The following PRKD1 variants were observed in gnomAD, a reference collection of about 807,000 sequenced individuals.
PRKD1 encodes protein kinase D1.
In PRKD1, 63 loss-of-function variants were observed where a neutral mutation model predicts 95.9. That is an observed-to-expected ratio of 0.66 (90% CI 0.54 to 0.81). The LOEUF is 0.81. Ranked by LOEUF, PRKD1 falls within the 30% of genes least tolerant of loss-of-function variation. PRKD1 has a pLI of 0.00. For missense variants in PRKD1, 1,048 were observed against 1,165.3 expected (o/e 0.90, Z 1.47); for synonymous variants, 425 against 423.1 (o/e 1.00, Z -0.05).
intron 1 of PRKD1, among the ~76,000 whole-genome samples, chr14:29,892,017 T>C (rs751866336): frequency 7.2e-5 from 11 of 152,204 alleles, no homozygotes; most frequent in Non-Finnish European, 1.2e-4. Context: ...TTGGTATTAA[T>C]TGTAGTGACT....
chr14:29,755,598 T>G (rs893636577), intron 1 of PRKD1, among the ~76,000 whole-genome samples: 2 of 152,168 alleles, frequency 1.3e-5, no homozygotes, highest in African/African-American at 4.8e-5. Flanking sequence ...TTTCTGTCAC[T>G]TGTAATCATA....
At chr14:29,903,172 C>A (rs781095206) in intron 1 of PRKD1, among the ~76,000 whole-genome samples, 9 of 152,174 alleles carry the variant, frequency 5.9e-5, no homozygotes, top group Non-Finnish European at 1.0e-4. Flanking sequence ...AATTTTCCCC[C>A]AGGTTCCTCA....
chr14:29,685,581 A>C (rs1470771879), intron 2 of PRKD1, among the ~76,000 whole-genome samples: 1 of 152,220 alleles, frequency 6.6e-6, no homozygotes, highest in Non-Finnish European at 1.5e-5. Context: ...TTAAAATTCC[A>C]AATCTTGAGA....
At chr14:29,841,283 G>A (rs998030459) in intron 1 of PRKD1, among the ~76,000 whole-genome samples, 2 of 152,156 alleles carry the variant, frequency 1.3e-5, no homozygotes, top group African/African-American at 4.8e-5. Context: ...TTAAGAATCT[G>A]GGGGACTGTT....
intron 1 of PRKD1, among the ~76,000 whole-genome samples, chr14:29,918,841 G>T (rs1894983303): frequency 6.6e-6 from 1 of 152,158 alleles, no homozygotes; most frequent in South Asian, 2.1e-4. Context: ...AATTGCTCAG[G>T]TTGAGAGAAT....
intron 2 of PRKD1, among the ~76,000 whole-genome samples, chr14:29,684,895 G>C (rs958113674): frequency 6.6e-6 from 1 of 152,134 alleles, no homozygotes; most frequent in African/African-American, 2.4e-5. Flanking sequence ...ATTTTAGATG[G>C]TTTTCTTGCT....
At chr14:29,614,643 C>T (rs1298747707) in intron 13 of PRKD1, among the ~76,000 whole-genome samples, 1 of 151,698 alleles carries the variant, frequency 6.6e-6, no homozygotes, top group African/African-American at 2.4e-5. Context: ...ATAAATTAGT[C>T]ATGGAGAATA....
intron 1 of PRKD1, among the ~76,000 whole-genome samples, chr14:29,753,065 A>G (rs1310524813): frequency 6.7e-6 from 1 of 148,364 alleles, no homozygotes; most frequent in Non-Finnish European, 1.5e-5. Context: ...AAATATAGAT[A>G]GAAAGGGGGA....
At chr14:29,901,031 C>T (rs143856289) in intron 1 of PRKD1, among the ~76,000 whole-genome samples, 20 of 152,246 alleles carry the variant, frequency 1.3e-4, no homozygotes, top group Admixed American at 4.6e-4. Context: ...AAAAGACAAA[C>T]GCACTTACTT....
chr14:29,622,868 C>T (rs1050520813), intron 13 of PRKD1, among the ~76,000 whole-genome samples: 2 of 152,152 alleles, frequency 1.3e-5, no homozygotes, highest in Non-Finnish European at 2.9e-5. Context: ...AACCATGAAG[C>T]TCTCTTCTCC....
At chr14:29,699,964 T>C (rs1308849131) in intron 2 of PRKD1, among the ~76,000 whole-genome samples, 9 of 152,240 alleles carry the variant, frequency 5.9e-5, no homozygotes, top group South Asian at 2.1e-4. Flanking sequence ...GTATTCTTTT[T>C]GGTATTTTAA....
intron 1 of PRKD1, among the ~76,000 whole-genome samples, chr14:29,885,804 T>TTAAAAAAAA (rs1893682937): frequency 1.9e-5 from 1 of 53,482 alleles, no homozygotes; most frequent in African/African-American, 6.2e-5. Context: ...CCATCTTTAC[T>TTAAAAAAAA]AAAAAAAAAA....
chr14:29,592,367 G>A (rs916550267), intron 16 of PRKD1, among the ~76,000 whole-genome samples: 1 of 152,008 alleles, frequency 6.6e-6, no homozygotes, highest in East Asian at 1.9e-4. Flanking sequence ...TCATTTGTAG[G>A]CATGCATTTT....
intron 1 of PRKD1, among the ~76,000 whole-genome samples, chr14:29,755,637 T>C (rs1338739114): frequency 6.6e-6 from 1 of 152,188 alleles, no homozygotes; most frequent in African/African-American, 2.4e-5. Flanking sequence ...TCCTAACTCC[T>C]TGGCCTGAAT....
At chr14:29,637,799 T>C (rs6571315) in intron 6 of PRKD1, among the ~76,000 whole-genome samples, 9,263 of 152,260 alleles carry the variant, frequency 0.061, 858 homozygotes, top group African/African-American at 0.2. Context: ...AACAAAAATA[T>C]TCAACTGAAA....
At chr14:29,713,856 T>G (rs2139363223) in intron 2 of PRKD1, among the ~76,000 whole-genome samples, 1 of 152,254 alleles carries the variant, frequency 6.6e-6, no homozygotes, top group East Asian at 1.9e-4. Flanking sequence ...GAAACTGTGG[T>G]ATTCAAACAC....
intron 1 of PRKD1, among the ~76,000 whole-genome samples, chr14:29,899,071 G>A (rs1209379411): frequency 6.6e-6 from 1 of 152,068 alleles, no homozygotes; most frequent in Admixed American, 6.5e-5. Context: ...TTTATATCAA[G>A]ATTAGCATTT....
intron 2 of PRKD1, among the ~76,000 whole-genome samples, chr14:29,693,004 C>G (rs146470011): frequency 2.3e-4 from 35 of 152,190 alleles, no homozygotes; most frequent in African/African-American, 7.5e-4. Flanking sequence ...ATTTCCTAAA[C>G]GATTGCTCAG....
chr14:29,593,152 G>A (rs905299526), intron 16 of PRKD1, among the ~76,000 whole-genome samples: 1 of 152,092 alleles, frequency 6.6e-6, no homozygotes, highest in Non-Finnish European at 1.5e-5. Context: ...ACATATGAGT[G>A]TTTAGAATAG....
Sources: gnomAD v4.1 joint callset for allele counts (sites outside exome capture counted in the v4.1 genomes callset) on GRCh38, gnomAD v4.1.1 for gene constraint, MANE v1.5 for transcripts, NCBI Gene and HGNC (gene_info 2026-07-23, HGNC 2026-07-21) for gene names.